The following QTGAL variants were observed in gnomAD, a reference collection of about 807,000 sequenced individuals.
QTGAL encodes queuosine-tRNA galactosyltransferase.
the QTGAL span, chr17:82,961,100 G>C: frequency 1.2e-6 from 2 of 1,610,628 alleles, no homozygotes; most frequent in Non-Finnish European, 1.7e-6. Flanking sequence ...TGGCGATACA[G>C]CAGGAGACTC....
chr17:83,049,124 G>A, the QTGAL span: 1 of 239,958 alleles, frequency 4.2e-6, no homozygotes, highest in Non-Finnish European at 8.3e-6. Flanking sequence ...GTGGTGGCAG[G>A]CTCCTGTAGT....
the QTGAL span, chr17:82,944,923 TATCTCA>T: frequency 6.6e-6 from 1 of 152,204 alleles, no homozygotes; most frequent in Non-Finnish European, 1.5e-5. Flanking sequence ...GCAAGACTCT[TATCTCA>T]ATCTATCTCC....
the QTGAL span, among the ~76,000 whole-genome samples, chr17:82,998,821 A>T: frequency 2.0e-5 from 3 of 152,222 alleles, no homozygotes; most frequent in Non-Finnish European, 4.4e-5. Context: ...TGGGCAAAGG[A>T]TGTGAACAGA....
chr17:82,991,256 T>C, the QTGAL span, among the ~76,000 whole-genome samples: 1 of 152,088 alleles, frequency 6.6e-6, no homozygotes, highest in Non-Finnish European at 1.5e-5. Flanking sequence ...TTTGGCTGTG[T>C]CCCTACCCAA....
the QTGAL span, among the ~76,000 whole-genome samples, chr17:82,996,743 A>G: frequency 0.012 from 1,860 of 152,288 alleles, 42 homozygotes; most frequent in African/African-American, 0.042. Flanking sequence ...ATAAATCAAT[A>G]TATCTACAGT....
the QTGAL span, among the ~76,000 whole-genome samples, chr17:82,973,055 C>A: frequency 6.6e-6 from 1 of 152,372 alleles, no homozygotes; most frequent in Admixed American, 6.5e-5. Context: ...TCGTGTGCTC[C>A]CGCGGCTGCC....
At chr17:82,959,424 T>G in the QTGAL span, among the ~76,000 whole-genome samples, 1 of 150,838 alleles carries the variant, frequency 6.6e-6, no homozygotes, top group African/African-American at 2.5e-5. Context: ...CGTGCACGTA[T>G]GTGTGTGCAT....
chr17:82,959,005 CTG>C, the QTGAL span, among the ~76,000 whole-genome samples: 91 of 27,704 alleles, frequency 3.3e-3, 2 homozygotes, highest in South Asian at 8.1e-3. Context: ...TGTGTGTATA[CTG>C]TGTGGGGGTG....
the QTGAL span, among the ~76,000 whole-genome samples, chr17:83,035,322 G>C: frequency 6.6e-6 from 1 of 151,972 alleles, no homozygotes; most frequent in Non-Finnish European, 1.5e-5. Flanking sequence ...TGGGATTACA[G>C]GCACCTGCCA....
At chr17:82,949,577 A>G in the QTGAL span, 2 of 152,188 alleles carry the variant, frequency 1.3e-5, no homozygotes, top group Admixed American at 6.5e-5. Context: ...GGAGCAGAAC[A>G]CGCAAAACCA....
At chr17:83,011,167 C>A in the QTGAL span, among the ~76,000 whole-genome samples, 1 of 152,200 alleles carries the variant, frequency 6.6e-6, no homozygotes, top group Admixed American at 6.5e-5. Context: ...TGCACAGTGT[C>A]AGGAATCCAA....
the QTGAL span, among the ~76,000 whole-genome samples, chr17:82,987,727 T>G: frequency 1.3e-5 from 2 of 152,208 alleles, no homozygotes; most frequent in Non-Finnish European, 2.9e-5. Flanking sequence ...TTTGTTCTTT[T>G]TGCTTAGGAC....
the QTGAL span, among the ~76,000 whole-genome samples, chr17:83,047,780 C>T: frequency 2.7e-5 from 4 of 148,682 alleles, no homozygotes; most frequent in African/African-American, 9.9e-5. Flanking sequence ...AAATTTAGGT[C>T]TACAATAAAT....
the QTGAL span, among the ~76,000 whole-genome samples, chr17:83,043,086 A>G: frequency 1.3e-5 from 2 of 152,186 alleles, no homozygotes; most frequent in African/African-American, 4.8e-5. Flanking sequence ...ACAGTCGGAG[A>G]TTCAACATTC....
chr17:82,957,802 GACCCA>G, the QTGAL span, among the ~76,000 whole-genome samples: 1 of 152,176 alleles, frequency 6.6e-6, no homozygotes, highest in South Asian at 2.1e-4. Flanking sequence ...GACTGGACTT[GACCCA>G]AGTCCAGTTT....
chr17:82,946,230 AACAC>A, the QTGAL span, among the ~76,000 whole-genome samples: 27 of 152,376 alleles, frequency 1.8e-4, no homozygotes, highest in South Asian at 2.9e-3. Context: ...CAAGCTGCAA[AACAC>A]ACACACAATT....
the QTGAL span, among the ~76,000 whole-genome samples, chr17:82,973,429 A>C: frequency 6.6e-6 from 1 of 152,342 alleles, no homozygotes; most frequent in South Asian, 2.1e-4. Context: ...TCAGTCTTTC[A>C]TATAGACCAG....
At chr17:82,956,775 A>T in the QTGAL span, 1 of 1,575,356 alleles carries the variant, frequency 6.3e-7, no homozygotes, top group Non-Finnish European at 8.6e-7. The surrounding 1 kb of genome is among the most constrained non-coding windows in gnomAD (Gnocchi z 5.7). Context: ...CTTTCCTGAG[A>T]GTGACAGTGG....
chr17:83,032,190 CGGGT>C, the QTGAL span, among the ~76,000 whole-genome samples: 279 of 66,148 alleles, frequency 4.2e-3, 1 homozygote, highest in East Asian at 0.013. Flanking sequence ...AGCTGAACAA[CGGGT>C]CAGACCAGGC....
Sources: allele counts gnomAD v4.1 joint callset (sites outside exome capture counted in the v4.1 genomes callset), GRCh38; gene constraint gnomAD v4.1.1; non-coding constraint Gnocchi (gnomAD v3.1); transcripts MANE v1.5; gene names NCBI Gene and HGNC (gene_info 2026-07-23, HGNC 2026-07-21).